The following ARHGEF10L variants were observed in gnomAD, a reference collection of about 807,000 sequenced individuals.
ARHGEF10L encodes the protein rho guanine nucleotide exchange factor 10-like protein.
Under a neutral mutation model 141.2 loss-of-function variants are expected in ARHGEF10L, and 69 were observed. The ratio of observed to expected loss-of-function variants is 0.49; its 90% confidence interval spans 0.40 to 0.60. The LOEUF (loss-of-function observed/expected upper bound fraction) is 0.60. Ranked by LOEUF, ARHGEF10L falls within the 20% of genes least tolerant of loss-of-function variation. The probability of loss-of-function intolerance (pLI) is 0.00; values close to 1 mark genes in which losing one functional copy is unlikely to be tolerated. For missense variants in ARHGEF10L, 1,482 were observed against 1,734.3 expected, an observed-to-expected ratio of 0.85 and a Z score of 2.58; for synonymous variants, 711 against 718.5, an observed-to-expected ratio of 0.99 and a Z score of 0.17.
chr1:17,517,754 G>C, the ARHGEF10L span, among the ~76,000 whole-genome samples: 1 of 151,010 alleles, frequency 6.6e-6, no homozygotes, highest in Non-Finnish European at 1.5e-5. Flanking sequence ...TCCACCTCCG[G>C]GGTTCAAACA....
chr1:17,552,626 A>G (rs1457276679), intron 1 of ARHGEF10L, among the ~76,000 whole-genome samples: 3 of 122,746 alleles, frequency 2.4e-5, no homozygotes, highest in African/African-American at 9.9e-5. Flanking sequence ...GTTTCACCAT[A>G]TCAGCCAGGC....
intron 4 of ARHGEF10L, among the ~76,000 whole-genome samples, chr1:17,596,114 A>T (rs975775205): frequency 5.9e-5 from 9 of 152,062 alleles, no homozygotes; most frequent in Admixed American, 5.9e-4. Context: ...CAGGGAGCTT[A>T]CCCCTGACCA....
chr1:17,655,008 T>C (rs562461347), intron 23 of ARHGEF10L, among the ~76,000 whole-genome samples: 1 of 152,326 alleles, frequency 6.6e-6, no homozygotes, highest in Admixed American at 6.5e-5. Context: ...GCAGAGGACC[T>C]GGGTCTCAGG....
rs1319746110 is a variant in ARHGEF10L, at chr1:17,622,989, C to T, written c.1021-7C>T. ...GGCCTGCGGCCTCACCCCGCCCTCC[C>T]CGGCAGGACTACCGCAACCCCCTGA... is the stretch of plus-strand genomic sequence containing the variant. On this transcript the variant is annotated splice_polypyrimidine_tract_variant and splice_region_variant and intron_variant, in intron 11 of 28. Transcript: ENST00000361221. 2.5e-6 allele frequency: 4 copies of T among 1,609,968 alleles called. No individual in the cohort carries two copies. Among genetic ancestry groups the T allele is most frequent in the South Asian group, 1.1e-5 (1 of 90,818 alleles).
Position 17,570,991 on chromosome 1 carries a change from C to T in ARHGEF10L, c.-43-9562C>T, listed in dbSNP as rs781045743. Among the ~76,000 whole-genome samples the T allele has an allele frequency of 3.9e-4, 59 of 152,038 alleles. 1 individual carries two copies. The highest frequency in any genetic ancestry group is 6.8e-3 in the Middle Eastern group (2 of 294). On this transcript the variant is annotated intron_variant, in intron 1 of 28. Transcript: ENST00000361221. ...ATGGTGATCAGGAGGTGGGTATGGG[C>T]ACGTTAAGGCTGAGATGCCCGATCA...
intron 26 of ARHGEF10L, among the ~76,000 whole-genome samples, chr1:17,666,632 T>C (rs2062991184): frequency 6.6e-6 from 1 of 152,090 alleles, no homozygotes; most frequent in African/African-American, 2.4e-5. Flanking sequence ...TCCCGGTTCC[T>C]CGGTCCCCTT....
intron 14 of ARHGEF10L, 43 bp downstream of exon 14, chr1:17,626,091 C>T: frequency 6.3e-7 from 1 of 1,593,542 alleles, no homozygotes; most frequent in Non-Finnish European, 8.6e-7. Flanking sequence ...CAGGGTTTGC[C>T]TGTGGGCTGG....
chr1:17,554,583 C>CTTT (rs970778480), intron 1 of ARHGEF10L, among the ~76,000 whole-genome samples: 60 of 122,304 alleles, frequency 4.9e-4, no homozygotes, highest in African/African-American at 1.1e-3. Context: ...TCCTTCCTTC[C>CTTT]TTTTTTTTTT....
the ARHGEF10L span, among the ~76,000 whole-genome samples, chr1:17,514,301 A>G: frequency 2.0e-5 from 3 of 148,566 alleles, no homozygotes; most frequent in African/African-American, 7.5e-5. Context: ...ACGCCCAGCT[A>G]ATTTTTGTAT....
chr1:17,557,020 A>G (rs1432977819), intron 1 of ARHGEF10L, among the ~76,000 whole-genome samples: 1 of 150,882 alleles, frequency 6.6e-6, no homozygotes, highest in Non-Finnish European at 1.5e-5. Flanking sequence ...CAACATAGCA[A>G]GACTCCATCT....
chr1:17,523,398 T>G, the ARHGEF10L span, among the ~76,000 whole-genome samples: 1 of 152,148 alleles, frequency 6.6e-6, no homozygotes, highest in African/African-American at 2.4e-5. Context: ...CCACCATTGC[T>G]ACATTTTCAT....
intron 28 of ARHGEF10L, among the ~76,000 whole-genome samples, chr1:17,696,455 A>T (rs1475783308): frequency 6.6e-6 from 1 of 152,070 alleles, no homozygotes; most frequent in Non-Finnish European, 1.5e-5. Context: ...GGGGACACAG[A>T]GACTGGGGCG....
At chr1:17,629,390 AAAAT>A (rs2060556458) in intron 15 of ARHGEF10L, among the ~76,000 whole-genome samples, 5 of 152,158 alleles carry the variant, frequency 3.3e-5, no homozygotes, top group Non-Finnish European at 7.4e-5. Context: ...GAGATCCTAT[AAAAT>A]TCAGACTTGT....
the ARHGEF10L span, among the ~76,000 whole-genome samples, chr1:17,534,115 C>A: frequency 6.6e-6 from 1 of 151,552 alleles, no homozygotes; most frequent in Admixed American, 6.6e-5. Context: ...GCAGCTGCCA[C>A]CACACCTAGC....
chr1:17,668,239 C>T (rs1485390539), intron 26 of ARHGEF10L, among the ~76,000 whole-genome samples: 1 of 152,216 alleles, frequency 6.6e-6, no homozygotes, highest in Non-Finnish European at 1.5e-5. Flanking sequence ...AAGCTGCTCC[C>T]GGGGTCGGTG....
chr1:17,641,976 G>A lies in ARHGEF10L; in HGVS notation c.2272+1674G>A, dbSNP rs141216536. On this transcript the variant is annotated intron_variant, in intron 21 of 28. Transcript: ENST00000361221. ...AGCCTGAGTGATAGAGTGAGACTCC[G>A]TCTTAAAAAAAAAGAAAAAAAAAAG... 9.9e-4 allele frequency among the ~76,000 whole-genome samples: 144 copies of A among 145,748 alleles called. 2 individuals carry two copies. In the East Asian group the frequency reaches 0.021, roughly 21 times the overall value.
At position 17,657,570 on chromosome 1, in the gene ARHGEF10L, C is replaced by T. The variant is rs752094389; in HGVS notation, c.2860+862C>T. Among the ~76,000 whole-genome samples, 7 of 152,288 alleles carry T rather than the reference C, an allele frequency of 4.6e-5. 1 individual carries two copies. In the South Asian group the frequency reaches 8.3e-4, roughly 18 times the overall value. On this transcript the variant is annotated intron_variant, in intron 25 of 28. Transcript: ENST00000361221. ...CCAGGCTGTGATTGCCGCGTCATCACAGCCTGTTACAGGGTTATAAACGGA... is the reference window on the plus strand; with the variant it reads ...CCAGGCTGTGATTGCCGCGTCATCATAGCCTGTTACAGGGTTATAAACGGA...
Position 17,627,133 on chromosome 1 carries a change from C to T in ARHGEF10L, c.1411-197C>T, listed in dbSNP as rs2060431238. 6.6e-6 allele frequency among the ~76,000 whole-genome samples: 1 copy of T among 152,226 alleles called. No individual in the cohort carries two copies. The highest frequency in any genetic ancestry group is 2.4e-5 in the African/African-American group (1 of 41,458). ...ATGTGGGTCTATTCCTAGAAAGATC[C>T]ATGCTTTTGTTTTCTTTTTCATGCA... is the stretch of plus-strand genomic sequence containing the variant. On this transcript the variant is annotated intron_variant, in intron 14 of 28. Transcript: ENST00000361221. The surrounding 1 kb of genome is among the most constrained non-coding windows in gnomAD (Gnocchi z 4.0).
At position 17,619,565 on chromosome 1, in the gene ARHGEF10L, CT is replaced by C; in HGVS notation, c.942+122del. 2.6e-6 allele frequency: 2 copies of C among 780,314 alleles called. No individual in the cohort carries two copies. Among genetic ancestry groups the C allele is most frequent in the Non-Finnish European group, 4.0e-6 (2 of 499,758 alleles). 48.3% of individuals were successfully genotyped at this position (780,314 alleles called of 1,614,324 possible). On this transcript the variant is annotated intron_variant, in intron 10 of 28. Transcript: ENST00000361221. The surrounding 1 kb of genome is among the most constrained non-coding windows in gnomAD (Gnocchi z 5.0). ...ACAGGGGATATGATGACTGGGGGCT[CT>C]TGGCAGAGCCCAGCTGGATAGGGGC...
Sources: gnomAD v4.1 joint callset for allele counts (sites outside exome capture counted in the v4.1 genomes callset) on GRCh38, gnomAD v4.1.1 for gene constraint, Gnocchi (gnomAD v3.1) non-coding constraint, MANE v1.5 for transcripts, NCBI Gene and HGNC (gene_info 2026-07-23, HGNC 2026-07-21) for gene names.